The following TRHDE variants were observed in gnomAD, a reference collection of about 807,000 sequenced individuals.
TRHDE encodes the protein thyrotropin releasing hormone degrading enzyme.
A neutral mutation model predicts 125.7 loss-of-function variants in TRHDE; 72 were observed. The ratio of observed to expected loss-of-function variants is 0.57; its 90% confidence interval spans 0.47 to 0.70. The LOEUF is 0.70. Ranked by LOEUF, TRHDE falls within the 30% of genes least tolerant of loss-of-function variation. The pLI, the probability that TRHDE is intolerant of heterozygous loss-of-function variation, is 0.00. For synonymous variants in TRHDE, 509 were observed against 509.1 expected (o/e 1.00, Z 0.00); for missense variants, 1,110 against 1,327.1 (o/e 0.84, Z 2.54).
chr12:72,323,267 C>T (rs750370662), intron 2 of TRHDE, among the ~76,000 whole-genome samples: 1 of 152,086 alleles, frequency 6.6e-6, no homozygotes, highest in African/African-American at 2.4e-5. Flanking sequence ...CAGTGGTTTT[C>T]CACCTGGATA....
intron 2 of TRHDE, among the ~76,000 whole-genome samples, chr12:72,349,558 G>C (rs28425555): frequency 1.1e-4 from 16 of 151,630 alleles, no homozygotes; most frequent in Middle Eastern, 3.2e-3. Context: ...TTTTGGGCGG[G>C]GGGGTGGTGT....
chr12:72,108,385 C>T (rs551677517), intron 2 of TRHDE, among the ~76,000 whole-genome samples: 10 of 152,132 alleles, frequency 6.6e-5, no homozygotes, highest in African/African-American at 2.4e-4. Flanking sequence ...TCAGTTTTTA[C>T]ATATGTTGAC....
intron 15 of TRHDE, among the ~76,000 whole-genome samples, chr12:72,623,337 T>C (rs1252805233): frequency 6.6e-6 from 1 of 152,048 alleles, no homozygotes; most frequent in Non-Finnish European, 1.5e-5. Flanking sequence ...TTTAACACTT[T>C]AATGGGTCTA....
intron 2 of TRHDE, chr12:72,264,450 G>GA (rs769709537): frequency 6.6e-5 from 10 of 151,946 alleles, no homozygotes; most frequent in Non-Finnish European, 1.2e-4. Flanking sequence ...TTTTTCTTAT[G>GA]AAAAAATCAC....
At chr12:72,114,177 A>G (rs77118897) in intron 2 of TRHDE, among the ~76,000 whole-genome samples, 104 of 150,234 alleles carry the variant, frequency 6.9e-4, no homozygotes, top group Admixed American at 1.3e-3. Context: ...AAAAAAAAAA[A>G]GCATGCTGGG....
At chr12:72,151,799 C>G (rs1410435930) in intron 2 of TRHDE, among the ~76,000 whole-genome samples, 1 of 152,168 alleles carries the variant, frequency 6.6e-6, no homozygotes, top group South Asian at 2.1e-4. Flanking sequence ...GTTACTGTAG[C>G]CTTGTAGTAT....
chr12:72,492,984 TC>T (rs764633093), intron 5 of TRHDE, among the ~76,000 whole-genome samples: 1 of 151,938 alleles, frequency 6.6e-6, no homozygotes, highest in African/African-American at 2.4e-5. Flanking sequence ...TATATGTGTA[TC>T]TGTCTTTCAT....
intron 2 of TRHDE, among the ~76,000 whole-genome samples, chr12:72,248,064 T>C (rs950556390): frequency 4.6e-5 from 7 of 152,224 alleles, no homozygotes; most frequent in African/African-American, 9.6e-5. Flanking sequence ...TGCATGTGTG[T>C]ATATGTGTGT....
rs1875175415 is a variant in TRHDE, at chr12:72,668,532, T to C, written c.*5337T>C. On this transcript the variant is annotated 3_prime_UTR_variant, in exon 19 of 19. Coordinates refer to ENST00000261180, the MANE Select transcript of TRHDE (RefSeq NM_013381.3). ...ATTCCTAGTTCATTTATTAATGTAC[T>C]AAGAAAAAGAAAACAAAATGACTGA... 1.3e-5 allele frequency: 2 copies of C among 151,912 alleles called. No homozygotes were observed. Among genetic ancestry groups the C allele is most frequent in the African/African-American group, 4.8e-5 (2 of 41,522 alleles). 9.4% of individuals were successfully genotyped at this position (151,912 alleles called of 1,614,324 possible). A position where few individuals can be genotyped will look rare whatever the true frequency, so the allele number is the denominator to read the frequency against.
At chr12:72,320,543 C>CTCTGTGTGTG (rs1555176124) in intron 2 of TRHDE, among the ~76,000 whole-genome samples, 3 of 143,080 alleles carry the variant, frequency 2.1e-5, no homozygotes, top group Non-Finnish European at 4.6e-5. Context: ...AGAGGGTTGA[C>CTCTGTGTGTG]TGTGTGTGTG....
intron 2 of TRHDE, among the ~76,000 whole-genome samples, chr12:72,330,323 AG>A (rs1251364707): frequency 7.1e-6 from 1 of 140,510 alleles, no homozygotes. Flanking sequence ...ATAAAGGCAA[AG>A]AAAAGTAAAA....
intron 2 of TRHDE, among the ~76,000 whole-genome samples, chr12:72,249,055 C>T (rs2139385760): frequency 6.6e-6 from 1 of 152,108 alleles, no homozygotes; most frequent in East Asian, 1.9e-4. Flanking sequence ...ATTTAGAATG[C>T]ATCCTAGCAC....
intron 5 of TRHDE, among the ~76,000 whole-genome samples, chr12:72,481,388 A>G (rs1877165167): frequency 6.7e-6 from 1 of 150,242 alleles, no homozygotes; most frequent in African/African-American, 2.5e-5. Flanking sequence ...AAAAAAAAAA[A>G]GGATAATTTG....
chr12:72,640,469 A>G (rs934603745), intron 15 of TRHDE, among the ~76,000 whole-genome samples: 1 of 152,348 alleles, frequency 6.6e-6, no homozygotes, highest in Middle Eastern at 3.4e-3. Context: ...CGTCTTCTGC[A>G]TCGCTCACAC....
chr12:72,133,289 T>C (rs1875905427), intron 2 of TRHDE, among the ~76,000 whole-genome samples: 1 of 152,118 alleles, frequency 6.6e-6, no homozygotes, highest in Non-Finnish European at 1.5e-5. Context: ...ACAGTGTAAG[T>C]AGAATGGAGG....
chr12:72,256,963 G>T (rs1171047027), intron 2 of TRHDE: 2 of 152,222 alleles, frequency 1.3e-5, no homozygotes, highest in African/African-American at 2.4e-5. Flanking sequence ...GCGGTATGCA[G>T]TTCTAGTTCC....
intron 10 of TRHDE, among the ~76,000 whole-genome samples, chr12:72,569,736 A>T (rs1870630060): frequency 6.6e-6 from 1 of 152,246 alleles, no homozygotes; most frequent in African/African-American, 2.4e-5. Context: ...TTTTATTTAT[A>T]TACGCTGTAT....
chr12:72,490,656 T>G (rs1462088060), intron 5 of TRHDE, among the ~76,000 whole-genome samples: 1 of 151,466 alleles, frequency 6.6e-6, no homozygotes. Flanking sequence ...AATCTTGCCA[T>G]TTGTCATACC....
intron 2 of TRHDE, among the ~76,000 whole-genome samples, chr12:72,132,335 A>G (rs1875884282): frequency 1.3e-5 from 2 of 152,154 alleles, no homozygotes; most frequent in South Asian, 4.1e-4. Flanking sequence ...GAAGGGTTAT[A>G]CCAGTTTTGA....
Sources: gnomAD v4.1 joint callset for allele counts (sites outside exome capture counted in the v4.1 genomes callset) on GRCh38, gnomAD v4.1.1 for gene constraint, MANE v1.5 for transcripts, NCBI Gene and HGNC (gene_info 2026-07-23, HGNC 2026-07-21) for gene names.